POLA2: variants seen among roughly 807,000 people sequenced by gnomAD.
POLA2 encodes the protein DNA polymerase alpha 2, accessory subunit, also known as DNA polymerase alpha subunit B.
Under a neutral mutation model 82.8 loss-of-function variants are expected in POLA2, and 47 were observed. The ratio of observed to expected loss-of-function variants is 0.57; its 90% CI spans 0.45 to 0.72. The LOEUF is 0.72. POLA2 is among the 30% of genes least tolerant of loss of function. The probability of loss-of-function intolerance (pLI) is 0.00; values close to 1 mark genes in which losing one functional copy is unlikely to be tolerated. For missense variants in POLA2, 634 were observed against 728.1 expected (o/e 0.87, Z 1.49); for synonymous variants, 287 against 286.8 (o/e 1.00, Z -0.01).
chr11:65,277,959 C>T (rs1411716181), intron 5 of POLA2, among the ~76,000 whole-genome samples: 2 of 152,306 alleles, frequency 1.3e-5, no homozygotes, highest in East Asian at 1.9e-4. Flanking sequence ...GCATTAATTG[C>T]GATGGTGCCC....
In POLA2 at chr11:65,284,127, C is replaced by CTAGATAGATAGA. The variant is rs60541542; in HGVS notation, c.1006+1643_1006+1654dup. On this transcript the variant is annotated intron_variant, in intron 10 of 17. Coordinates refer to ENST00000265465, the MANE Select transcript of POLA2 (RefSeq NM_002689.4). ...TCAGCATGGGTGAAAGAGTAAGACA[C>CTAGATAGATAGA]TAGATAGATAGATAGATAGATAGAT... is the stretch of plus-strand genomic sequence containing the variant. Among the ~76,000 whole-genome samples the CTAGATAGATAGA allele has an allele frequency of 3.0e-3, 424 of 143,176 alleles. 1 individual carries two copies. Among genetic ancestry groups the CTAGATAGATAGA allele is most frequent in the East Asian group, 5.4e-3 (26 of 4,790 alleles). The allele number at this position is 143,176 out of a possible 152,430, so 93.9% of individuals were successfully genotyped here. A position where few individuals can be genotyped will look rare whatever the true frequency, so the allele number is the denominator to read the frequency against.
chr11:65,264,719 C>T (rs1368700554), intron 1 of POLA2, among the ~76,000 whole-genome samples: 1 of 152,212 alleles, frequency 6.6e-6, no homozygotes, highest in African/African-American at 2.4e-5. Flanking sequence ...TTCCGTATTC[C>T]TAGCAAAATC....
intron 7 of POLA2, chr11:65,279,927 A>G: frequency 3.2e-6 from 1 of 312,634 alleles, no homozygotes; most frequent in East Asian, 5.9e-5. Context: ...CACAAATAGA[A>G]GCATTCACGT....
intron 4 of POLA2, among the ~76,000 whole-genome samples, chr11:65,272,428 T>C (rs1949531176): frequency 6.6e-6 from 1 of 152,192 alleles, no homozygotes; most frequent in African/African-American, 2.4e-5. Context: ...AAATATGATA[T>C]GTCAGTGATT....
chr11:65,264,712 C>T (rs1325692925), intron 1 of POLA2, among the ~76,000 whole-genome samples: 3 of 152,192 alleles, frequency 2.0e-5, no homozygotes, highest in East Asian at 1.9e-4. Context: ...ATAAGCTTTC[C>T]GTATTCCTAG....
intron 3 of POLA2, among the ~76,000 whole-genome samples, chr11:65,267,909 A>T (rs933837177): frequency 2.6e-5 from 4 of 151,722 alleles, no homozygotes; most frequent in African/African-American, 9.7e-5. Flanking sequence ...CTCCTGCCTC[A>T]GCCTCCTGAG....
At chr11:65,294,464 C>A in intron 14 of POLA2, 82 bp from the exon 15 acceptor site, 1 of 1,253,540 alleles carries the variant, frequency 8.0e-7, no homozygotes, top group Non-Finnish European at 1.2e-6. Context: ...GTCTCCCCAG[C>A]CCTCAGACAA....
At chr11:65,304,831 G>C (rs1455296951) in intron 8 of POLA2, among the ~76,000 whole-genome samples, 4 of 152,216 alleles carry the variant, frequency 2.6e-5, no homozygotes, top group Non-Finnish European at 5.9e-5. Context: ...GAGGCTAGCA[G>C]GGGCCCTGCT....
At chr11:65,265,285 T>C (rs1477721789) in intron 1 of POLA2, among the ~76,000 whole-genome samples, 1 of 151,984 alleles carries the variant, frequency 6.6e-6, no homozygotes, top group Non-Finnish European at 1.5e-5. Context: ...TAAATCCATT[T>C]CAGTAAGTTC....
Position 65,304,267 on chromosome 11 carries a change from C to A in POLA2, c.657-1106C>A, listed in dbSNP as rs144741551. 6.6e-5 allele frequency among the ~76,000 whole-genome samples: 10 copies of A among 151,986 alleles called. No homozygotes were observed. The East Asian group carries it at 1.4e-3, about 21-fold the overall frequency. The stretch of plus-strand genomic sequence containing the variant: ...TCTATCTATCCATCCACGTAACCAT[C>A]CATCCTTTCTTCCATCCATCCATCC... On this transcript the variant is annotated intron_variant, in intron 8 of 8. Transcript: ENST00000525924.
intron 3 of POLA2, among the ~76,000 whole-genome samples, chr11:65,267,883 C>G (rs1017799925): frequency 3.3e-5 from 5 of 151,934 alleles, no homozygotes; most frequent in Non-Finnish European, 7.4e-5. Flanking sequence ...CCTCTGCCTC[C>G]CAATCTCAAG....
intron 4 of POLA2, among the ~76,000 whole-genome samples, chr11:65,273,333 A>C (rs1949542135): frequency 6.6e-6 from 1 of 152,196 alleles, no homozygotes; most frequent in Non-Finnish European, 1.5e-5. Flanking sequence ...AAACAACAAC[A>C]ACAAAAAAAC....
In POLA2 at chr11:65,295,850, C is replaced by T; in HGVS notation, c.1521-14C>T. The T allele has an allele frequency of 1.9e-6, 3 of 1,603,150 alleles. No individual in the cohort carries two copies. The highest frequency in any genetic ancestry group is 2.6e-6 in the Non-Finnish European group (3 of 1,170,882). Reference sequence around the variant, plus strand: ...CGGTCAGCTAGTGCTGACAATTTCTCTCTGTCTCTGTAGCTACTACCCACT... The same window carrying T: ...CGGTCAGCTAGTGCTGACAATTTCTTTCTGTCTCTGTAGCTACTACCCACT... On this transcript the variant is annotated splice_polypyrimidine_tract_variant and intron_variant, in intron 16 of 17. Transcript: ENST00000265465.
intron 10 of POLA2, 88 bp from the exon 11 acceptor site, chr11:65,287,625 AATC>A: frequency 8.2e-7 from 1 of 1,222,676 alleles, no homozygotes; most frequent in Admixed American, 2.0e-5. Flanking sequence ...CAATGAGTTA[AATC>A]CTGTGGCATT....
At chr11:65,268,776 A>G (rs1949490809) in intron 4 of POLA2, 47 bp downstream of exon 4, 1 of 1,242,710 alleles carries the variant, frequency 8.0e-7, no homozygotes, top group African/African-American at 1.5e-5. Context: ...TAACATTTTA[A>G]AATAGTTTCA....
At chr11:65,276,893 C>T (rs1262310769) in intron 5 of POLA2, among the ~76,000 whole-genome samples, 1 of 150,516 alleles carries the variant, frequency 6.6e-6, no homozygotes. Context: ...CCGGTTCAAG[C>T]GATTCTCCTG....
chr11:65,289,019 T>A (rs1270480326), intron 11 of POLA2, 31 bp from the exon 12 acceptor site: 1 of 1,607,578 alleles, frequency 6.2e-7, no homozygotes, highest in South Asian at 1.1e-5. Context: ...TCTGATTTGT[T>A]CTTTTGGTGT....
chr11:65,303,948 T>C (rs1727609671), intron 8 of POLA2, among the ~76,000 whole-genome samples: 1 of 152,104 alleles, frequency 6.6e-6, no homozygotes, highest in Admixed American at 6.6e-5. Flanking sequence ...GAGCTGCCAC[T>C]CCAGCACAGA....
Position 65,298,654 on chromosome 11 carries a change from G to C in POLA2, c.*1385G>C, listed in dbSNP as rs1949839069. ...TGGAATCGAGCCCCAGACCTGACCA[G>C]GGTACAGTAAAAGGTCTTCCTTTAA... On this transcript the variant is annotated 3_prime_UTR_variant, in exon 18 of 18. Coordinates refer to ENST00000265465, the MANE Select transcript of POLA2 (RefSeq NM_002689.4). The C allele has an allele frequency of 6.6e-6, 1 of 152,264 alleles. No individual in the cohort carries two copies. Among genetic ancestry groups the C allele is most frequent in the Non-Finnish European group, 1.5e-5 (1 of 68,062 alleles). The allele number at this position is 152,264 out of a possible 1,614,324, so 9.4% of individuals were successfully genotyped here.
Sources: gnomAD v4.1 joint callset for allele counts (sites outside exome capture counted in the v4.1 genomes callset) on GRCh38, gnomAD v4.1.1 for gene constraint, MANE v1.5 for transcripts, NCBI Gene and HGNC (gene_info 2026-07-23, HGNC 2026-07-21) for gene names.